The following BBS4 variants were observed in gnomAD, a reference collection of about 807,000 sequenced individuals.
The protein encoded by BBS4 is Bardet-Biedl syndrome 4.
BBS4 carries 58 observed loss-of-function variants against 71.4 expected under a neutral mutation model. That is an observed-to-expected ratio of 0.81 (90% CI 0.66 to 1.01). The LOEUF (loss-of-function observed/expected upper bound fraction) is 1.01, where lower values mean the gene tolerates loss of function less well. BBS4 is among the 50% of genes least tolerant of loss of function. The pLI is 0.00. For missense variants in BBS4, 660 were observed against 607.9 expected, an observed-to-expected ratio of 1.09 and a Z score of -0.90; for synonymous variants, 228 against 216.8, an observed-to-expected ratio of 1.05 and a Z score of -0.46.
intron 12 of BBS4, among the ~76,000 whole-genome samples, chr15:72,732,658 A>C (rs1415871642): frequency 6.6e-6 from 1 of 152,212 alleles, no homozygotes; most frequent in Non-Finnish European, 1.5e-5. Flanking sequence ...TTTTATTATT[A>C]TTCAGATATG....
At chr15:72,735,209 G>A (rs1449910140) in intron 13 of BBS4, 27 bp downstream of exon 13, 1 of 1,584,176 alleles carries the variant, frequency 6.3e-7, no homozygotes, top group Non-Finnish European at 8.7e-7. Context: ...GAATGGTACT[G>A]GCGGGGGTTG....
chr15:72,691,686 C>G (rs2064986144), intron 1 of BBS4, among the ~76,000 whole-genome samples: 1 of 152,262 alleles, frequency 6.6e-6, no homozygotes, highest in South Asian at 2.1e-4. Flanking sequence ...AATGCTGCTG[C>G]TGGGTGCAGT....
intron 2 of BBS4, among the ~76,000 whole-genome samples, chr15:72,697,551 G>C (rs1175511414): frequency 1.3e-5 from 2 of 152,150 alleles, no homozygotes; most frequent in Admixed American, 1.3e-4. Context: ...TATTCCTTCT[G>C]GGGCAAAATT....
At chr15:72,697,749 C>T (rs1468101055) in intron 2 of BBS4, among the ~76,000 whole-genome samples, 1 of 152,204 alleles carries the variant, frequency 6.6e-6, no homozygotes. Context: ...CTCACTCTTT[C>T]CTCCTCAGCT....
At chr15:72,735,633 G>C (rs2065906346) in intron 13 of BBS4, 192 bp from the exon 14 acceptor site, 2 of 738,794 alleles carry the variant, frequency 2.7e-6, no homozygotes, top group Non-Finnish European at 4.7e-6. Context: ...CCCAATACCA[G>C]CTTTGCTTGT....
At chr15:72,713,827 G>A (rs1358581081) in intron 4 of BBS4, among the ~76,000 whole-genome samples, 3 of 152,036 alleles carry the variant, frequency 2.0e-5, no homozygotes, top group Non-Finnish European at 2.9e-5. Context: ...TACAGCTGTC[G>A]ACCAAAATGT....
chr15:72,728,362 G>A (rs2065742461), intron 9 of BBS4, among the ~76,000 whole-genome samples: 2 of 152,102 alleles, frequency 1.3e-5, no homozygotes, highest in Admixed American at 1.3e-4. Context: ...GCCAGGCATG[G>A]TGGCATGCTT....
chr15:72,729,197 G>C (rs545674539), intron 9 of BBS4, among the ~76,000 whole-genome samples: 2 of 96,332 alleles, frequency 2.1e-5, no homozygotes, highest in South Asian at 6.8e-4. Context: ...AAAGTCAAGA[G>C]AACTCAAAAA....
chr15:72,731,065 C>CTTTTTTTTTTTTTTTTTTTTTTTTTTT, intron 10 of BBS4, among the ~76,000 whole-genome samples: 1 of 77,610 alleles, frequency 1.3e-5, no homozygotes, highest in Non-Finnish European at 2.4e-5. Flanking sequence ...AACATTTTAT[C>CTTTTTTTTTTTTTTTTTTTTTTTTTTT]TTTTTTTTTT....
At chr15:72,729,378 G>A (rs562167948) in intron 9 of BBS4, among the ~76,000 whole-genome samples, 1 of 151,626 alleles carries the variant, frequency 6.6e-6, no homozygotes, top group Admixed American at 6.6e-5. Flanking sequence ...AGCCTCCCAA[G>A]TAGCTGGGAT....
rs200002292 is a variant in BBS4, at chr15:72,735,749, T to G, written c.1107-76T>G. On this transcript the variant is annotated intron_variant, in intron 13 of 15. Transcript: ENST00000268057. ...CTACTTAACCAGTTTTGTTTTGTTT[T>G]TGTGTAATGAGAAGGATCTCTAAAT... is the stretch of plus-strand genomic sequence containing the variant. The G allele has an allele frequency of 7.5e-5, 119 of 1,587,602 alleles. No individual in the cohort carries two copies. The East Asian group carries it at 2.3e-3, about 30-fold the overall frequency.
intron 12 of BBS4, among the ~76,000 whole-genome samples, chr15:72,734,056 A>G (rs1489898045): frequency 1.3e-5 from 2 of 152,190 alleles, no homozygotes; most frequent in Admixed American, 6.5e-5. Flanking sequence ...GGCTGCATAC[A>G]TGACTTCTTT....
chr15:72,714,195 A>T (rs2065426355), intron 4 of BBS4, among the ~76,000 whole-genome samples: 1 of 150,614 alleles, frequency 6.6e-6, no homozygotes, highest in Non-Finnish European at 1.5e-5. Context: ...CTCATTAGAA[A>T]CCAAAGATAA....
intron 13 of BBS4, chr15:72,735,509 A>T: frequency 1.9e-6 from 1 of 521,588 alleles, no homozygotes; most frequent in Non-Finnish European, 3.5e-6. Context: ...TCAAGATAAA[A>T]CTTGACTCTT....
intron 1 of BBS4, among the ~76,000 whole-genome samples, chr15:72,692,342 G>A (rs1456897005): frequency 2.0e-5 from 2 of 101,312 alleles, no homozygotes; most frequent in Non-Finnish European, 3.6e-5. Flanking sequence ...TTGAGACAGA[G>A]TCTTGCTCTG....
chr15:72,703,203 T>G (rs987449667), intron 2 of BBS4, among the ~76,000 whole-genome samples: 2 of 152,102 alleles, frequency 1.3e-5, no homozygotes, highest in East Asian at 1.9e-4. Flanking sequence ...GGCAGGAGAT[T>G]AGAAGGCAAG....
intron 6 of BBS4, 132 bp downstream of exon 6, chr15:72,716,982 T>C: frequency 1.4e-6 from 1 of 725,834 alleles, no homozygotes; most frequent in South Asian, 1.7e-5. Flanking sequence ...TAATTCATGA[T>C]TTGTATAAGT....
intron 2 of BBS4, among the ~76,000 whole-genome samples, chr15:72,708,015 G>A (rs1237920945): frequency 6.6e-6 from 1 of 151,170 alleles, no homozygotes; most frequent in East Asian, 1.9e-4. Context: ...TCACCAGGCT[G>A]GAGTGCAGTG....
intron 1 of BBS4, chr15:72,686,685 G>A (rs2064850676): frequency 1.3e-6 from 1 of 784,694 alleles, no homozygotes; most frequent in Non-Finnish European, 1.9e-6. Flanking sequence ...TTTTTTCTGT[G>A]GTGATTAAGT....
Sources: allele counts gnomAD v4.1 joint callset (sites outside exome capture counted in the v4.1 genomes callset), GRCh38; gene constraint gnomAD v4.1.1; transcripts MANE v1.5; gene names NCBI Gene and HGNC (gene_info 2026-07-23, HGNC 2026-07-21).